Variants in MSH4 observed in about 807,000 individuals in gnomAD.
The protein encoded by MSH4 is mutS homolog 4.
A neutral mutation model predicts 113.7 loss-of-function variants in MSH4; 106 were observed. The ratio of observed to expected loss-of-function variants is 0.93; its 90% CI spans 0.80 to 1.10. MSH4 has a LOEUF of 1.10. Ranked by LOEUF, MSH4 falls within the 50% of genes least tolerant of loss-of-function variation. The pLI, the probability that MSH4 is intolerant of heterozygous loss-of-function variation, is 0.00. For synonymous variants in MSH4, 368 were observed against 380.2 expected (o/e 0.97, Z 0.37); for missense variants, 1,061 against 1,093.7 (o/e 0.97, Z 0.42).
At chr1:75,834,442 A>G (rs1650782697) in intron 7 of MSH4, among the ~76,000 whole-genome samples, 1 of 152,246 alleles carries the variant, frequency 6.6e-6, no homozygotes, top group Admixed American at 6.5e-5. Context: ...ATATACCCAA[A>G]GGATTGTAAA....
intron 8 of MSH4, among the ~76,000 whole-genome samples, chr1:75,857,610 T>C (rs1466089597): frequency 2.6e-5 from 4 of 152,274 alleles, no homozygotes; most frequent in African/African-American, 9.6e-5. Flanking sequence ...ATGTGTGGTG[T>C]TATTTCTGAG....
At chr1:75,850,746 CT>C (rs923280570) in intron 8 of MSH4, among the ~76,000 whole-genome samples, 6 of 151,834 alleles carry the variant, frequency 4.0e-5, no homozygotes, top group African/African-American at 1.5e-4. Flanking sequence ...TTTTGTTTTT[CT>C]ATTTGTTCTA....
intron 8 of MSH4, among the ~76,000 whole-genome samples, chr1:75,859,000 T>C (rs1336179264): frequency 6.6e-6 from 1 of 152,224 alleles, no homozygotes; most frequent in East Asian, 1.9e-4. Flanking sequence ...TAGAAAGGTG[T>C]ATGTGTCCAG....
rs370592245 is a variant in MSH4, at chr1:75,890,701, A to G, written c.2232A>G (p.Ala744=). 4.9e-5 allele frequency: 75 copies of G among 1,520,988 alleles called. No individual in the cohort carries two copies. The African/African-American group carries it at 7.3e-4, about 15-fold the overall frequency. The allele number at this position is 1,520,988 out of a possible 1,614,324, so 94.2% of individuals were successfully genotyped here. A position where few individuals can be genotyped will look rare whatever the true frequency, so the allele number is the denominator to read the frequency against. The change falls in exon 17 of 20, where the codon GCA becomes GCG. Residue 744 remains alanine (A), a synonymous_variant. Coordinates refer to ENST00000263187, the MANE Select transcript of MSH4 (RefSeq NM_002440.4). The stretch of plus-strand genomic sequence containing the variant: ...ATTAAAATTATATATTTCAGATAGC[A>G]TATATTCTACATAATGCTAATGACA... The part of the protein sequence containing the change: ...STFMKEMKEI[A]YILHNANDKS...
rs138753916 is a variant in MSH4, at chr1:75,856,857, C to G, written c.1230+8581C>G. 6.3e-3 allele frequency among the ~76,000 whole-genome samples: 955 copies of G among 152,290 alleles called. 8 individuals carry two copies. The highest frequency in any genetic ancestry group is 7.4e-3 in the Non-Finnish European group (503 of 68,022). ...TTCCAGTTCTAGATCCTTGAGGAAT[C>G]ATCACACTGTCTTCCACAATGGTTG... On this transcript the variant is annotated intron_variant, in intron 8 of 19. Transcript: ENST00000263187.
intron 7 of MSH4, among the ~76,000 whole-genome samples, chr1:75,833,959 C>G (rs1429435827): frequency 6.6e-6 from 1 of 152,202 alleles, no homozygotes; most frequent in Non-Finnish European, 1.5e-5. Context: ...TAAAGAGATT[C>G]TGCACAGCAA....
rs376072696 is a variant in MSH4 at position 75,906,961 on chromosome 1, G to C, written c.2620-5735G>C. Among the ~76,000 whole-genome samples the C allele has an allele frequency of 2.1e-3, 316 of 151,920 alleles. 1 individual carries two copies. Among genetic ancestry groups the C allele is most frequent in the South Asian group, 0.014 (67 of 4,822 alleles). On this transcript the variant is annotated intron_variant, in intron 19 of 19. Coordinates refer to ENST00000263187, the MANE Select transcript of MSH4 (RefSeq NM_002440.4). ...CCATTCTCCTGCCTCAGCCTCCTGA[G>C]TAGCTGGGACTACAGGCGCCCACCA... is the stretch of plus-strand genomic sequence containing the variant.
chr1:75,871,633 T>C (rs934410975), intron 9 of MSH4, among the ~76,000 whole-genome samples: 9 of 152,234 alleles, frequency 5.9e-5, no homozygotes, highest in African/African-American at 2.2e-4. Context: ...GACAACTTAT[T>C]AAACAGCTGG....
chr1:75,886,851 A>G (rs1652135680), intron 15 of MSH4, among the ~76,000 whole-genome samples: 1 of 144,800 alleles, frequency 6.9e-6, no homozygotes, highest in Non-Finnish European at 1.5e-5. Flanking sequence ...ATATATATAT[A>G]TATATTACCT....
chr1:75,859,106 G>T (rs1651389817), intron 8 of MSH4, among the ~76,000 whole-genome samples: 1 of 152,148 alleles, frequency 6.6e-6, no homozygotes, highest in African/African-American at 2.4e-5. Context: ...GATCGATGGT[G>T]ATATCCACTT....
At position 75,898,540 on chromosome 1, in the gene MSH4, A is replaced by G. The variant is rs142611082; in HGVS notation, c.2530+459A>G. Among the ~76,000 whole-genome samples the G allele has an allele frequency of 3.7e-3, 533 of 145,608 alleles. 3 individuals carry two copies. The highest frequency in any genetic ancestry group is 0.013 in the African/African-American group (511 of 39,308). ...ACCATATTTTTTTTTTTTTTTTGAG[A>G]CAAAGTCTCACTCTGTCGCCCAGGC... is the stretch of plus-strand genomic sequence containing the variant. On this transcript the variant is annotated intron_variant, in intron 18 of 19. Transcript: ENST00000263187.
At chr1:75,896,756 A>C (rs1338050107) in intron 17 of MSH4, among the ~76,000 whole-genome samples, 1 of 152,132 alleles carries the variant, frequency 6.6e-6, no homozygotes, top group Non-Finnish European at 1.5e-5. Flanking sequence ...TTATTTGCTA[A>C]ATTGAATTAA....
intron 9 of MSH4, among the ~76,000 whole-genome samples, chr1:75,874,833 CAA>C (rs1651782771): frequency 6.6e-6 from 1 of 152,112 alleles, no homozygotes; most frequent in African/African-American, 2.4e-5. Flanking sequence ...CTAAAATATG[CAA>C]AATGCATACT....
At chr1:75,824,860 C>T (rs941111230) in intron 7 of MSH4, among the ~76,000 whole-genome samples, 6 of 147,902 alleles carry the variant, frequency 4.1e-5, no homozygotes, top group African/African-American at 1.5e-4. Flanking sequence ...GTTACTGTAG[C>T]CTTGTAGTAG....
chr1:75,833,225 T>G (rs879205401), intron 7 of MSH4, among the ~76,000 whole-genome samples: 1 of 152,048 alleles, frequency 6.6e-6, no homozygotes, highest in African/African-American at 2.4e-5. Flanking sequence ...ATCCAACTTA[T>G]AAGGGATGTG....
At chr1:75,811,395 C>A (rs1650186829) in intron 4 of MSH4, among the ~76,000 whole-genome samples, 1 of 152,104 alleles carries the variant, frequency 6.6e-6, no homozygotes, top group Admixed American at 6.6e-5. Context: ...AAGGAAGTTT[C>A]TCAGATATAC....
At chr1:75,807,798 A>C (rs1357902448) in intron 3 of MSH4, among the ~76,000 whole-genome samples, 1 of 152,170 alleles carries the variant, frequency 6.6e-6, no homozygotes, top group Admixed American at 6.6e-5. Flanking sequence ...GGTTGCTTCC[A>C]GAGGAGATGA....
At chr1:75,834,746 C>T (rs1017844017) in intron 7 of MSH4, among the ~76,000 whole-genome samples, 8 of 152,010 alleles carry the variant, frequency 5.3e-5, no homozygotes, top group African/African-American at 7.3e-5. Context: ...CACTTGGACA[C>T]GGGATAAGGA....
rs183828284 is a variant in MSH4 at position 75,849,014 on chromosome 1, C to A, written c.1230+738C>A. Reference sequence around the variant, plus strand: ...TGGTGCGATTTTGGCTCACTGCAACCTCTGTCTCTCAGGTTCAAGTGATTC... The same window carrying A: ...TGGTGCGATTTTGGCTCACTGCAACATCTGTCTCTCAGGTTCAAGTGATTC... On this transcript the variant is annotated intron_variant, in intron 8 of 19. Coordinates refer to ENST00000263187, the MANE Select transcript of MSH4 (RefSeq NM_002440.4). Among the ~76,000 whole-genome samples the A allele has an allele frequency of 4.6e-3, 701 of 152,204 alleles. 3 individuals carry two copies. The highest frequency in any genetic ancestry group is 0.024 in the Middle Eastern group (7 of 294).
Sources: gnomAD v4.1 joint callset for allele counts (sites outside exome capture counted in the v4.1 genomes callset) on GRCh38, gnomAD v4.1.1 for gene constraint, MANE v1.5 for transcripts, NCBI Gene and HGNC (gene_info 2026-07-23, HGNC 2026-07-21) for gene names.